Variants in ANKIB1 observed in about 807,000 individuals in gnomAD.
ANKIB1 encodes ankyrin repeat and IBR domain-containing protein 1.
In ANKIB1, 43 loss-of-function variants were observed where a neutral mutation model predicts 122.1. The ratio of observed to expected loss-of-function variants is 0.35; its 90% confidence interval spans 0.28 to 0.45. The LOEUF (loss-of-function observed/expected upper bound fraction) is 0.45. Among genes scored for constraint, ANKIB1 ranks in the 20% least tolerant of loss-of-function variants. The pLI, the probability that ANKIB1 is intolerant of heterozygous loss-of-function variation, is 1.00. For missense variants in ANKIB1, 992 were observed against 1,329.5 expected (o/e 0.75, Z 3.95); for synonymous variants, 390 against 442.0 (o/e 0.88, Z 1.48).
At chr7:92,280,982 G>A (rs1356485419) in intron 1 of ANKIB1, among the ~76,000 whole-genome samples, 1 of 152,102 alleles carries the variant, frequency 6.6e-6, no homozygotes. Context: ...GATTCCCTTA[G>A]AGAACTCACA....
intron 16 of ANKIB1, 56 bp downstream of exon 16, chr7:92,391,400 G>A (rs1804783513): frequency 1.4e-6 from 2 of 1,384,780 alleles, no homozygotes; most frequent in African/African-American, 1.5e-5. Flanking sequence ...AATACCAGCA[G>A]TTTTGTTTTT....
At chr7:92,350,919 T>A in intron 7 of ANKIB1, 31 bp from the exon 8 acceptor site, 2 of 1,563,760 alleles carry the variant, frequency 1.3e-6, no homozygotes, top group Non-Finnish European at 1.7e-6. Flanking sequence ...ATATCCTTGC[T>A]CGTTTGATGT....
chr7:92,382,405 G>A (rs892978130), intron 11 of ANKIB1, among the ~76,000 whole-genome samples: 4 of 152,184 alleles, frequency 2.6e-5, no homozygotes, highest in Admixed American at 2.6e-4. Flanking sequence ...GACATCTACA[G>A]AACTCTCTAC....
chr7:92,260,409 G>A (rs2131881023), intron 1 of ANKIB1, among the ~76,000 whole-genome samples: 1 of 152,300 alleles, frequency 6.6e-6, no homozygotes, highest in Admixed American at 6.5e-5. Flanking sequence ...GGCTTGGCCG[G>A]TGGCTCACCT....
chr7:92,369,573 C>G (rs1804185504), intron 10 of ANKIB1, among the ~76,000 whole-genome samples: 1 of 152,158 alleles, frequency 6.6e-6, no homozygotes, highest in Non-Finnish European at 1.5e-5. Context: ...GGGCTTATAT[C>G]TAGGGGTTGG....
intron 5 of ANKIB1, among the ~76,000 whole-genome samples, chr7:92,338,295 T>C (rs1446051449): frequency 6.6e-6 from 1 of 151,720 alleles, no homozygotes; most frequent in Non-Finnish European, 1.5e-5. Flanking sequence ...CATATGCCTG[T>C]AAGTCCCAGC....
chr7:92,385,557 AAAG>A (rs1270783430), intron 11 of ANKIB1, among the ~76,000 whole-genome samples: 1 of 152,260 alleles, frequency 6.6e-6, no homozygotes, highest in African/African-American at 2.4e-5. Context: ...AGCCATAAAA[AAAG>A]ATGAGTTCAT....
chr7:92,401,309 G>A lies in ANKIB1; in HGVS notation c.*2360G>A, dbSNP rs894278217. On this transcript the variant is annotated 3_prime_UTR_variant, in exon 20 of 20. Transcript: ENST00000265742. ...TTATATACAGTAGGATTCTACAAAC[G>A]TGTAGATGTTTGGCCAAATGAATGC... 1.1e-4 allele frequency: 16 copies of A among 152,102 alleles called. No homozygotes were observed. Among genetic ancestry groups the A allele is most frequent in the African/African-American group, 3.4e-4 (14 of 41,402 alleles). 9.4% of individuals were successfully genotyped at this position (152,102 alleles called of 1,614,324 possible). A position where few individuals can be genotyped will look rare whatever the true frequency, so the allele number is the denominator to read the frequency against.
intron 1 of ANKIB1, among the ~76,000 whole-genome samples, chr7:92,273,362 ATTC>A (rs1369288641): frequency 6.6e-6 from 1 of 152,196 alleles, no homozygotes; most frequent in African/African-American, 2.4e-5. Flanking sequence ...TTCTTTGCAT[ATTC>A]TTGTCTTCCA....
At chr7:92,300,074 TGGGGAC>T (rs947277283) in intron 2 of ANKIB1, among the ~76,000 whole-genome samples, 8 of 152,088 alleles carry the variant, frequency 5.3e-5, no homozygotes, top group African/African-American at 1.9e-4. Context: ...TCCCAAAGTG[TGGGGAC>T]TTACAGGCAT....
At chr7:92,317,747 G>A (rs1276576728) in intron 3 of ANKIB1, among the ~76,000 whole-genome samples, 1 of 152,150 alleles carries the variant, frequency 6.6e-6, no homozygotes, top group Non-Finnish European at 1.5e-5. Flanking sequence ...GGAGAACCGT[G>A]AGGATTCCCG....
At chr7:92,383,859 C>G (rs1804575334) in intron 11 of ANKIB1, among the ~76,000 whole-genome samples, 1 of 152,168 alleles carries the variant, frequency 6.6e-6, no homozygotes, top group Admixed American at 6.5e-5. Context: ...CTCACCACTC[C>G]TATTCAACAT....
intron 12 of ANKIB1, 108 bp downstream of exon 12, chr7:92,386,751 T>C (rs1804660694): frequency 9.8e-7 from 1 of 1,022,692 alleles, no homozygotes; most frequent in African/African-American, 1.7e-5. Flanking sequence ...TTAAATTGAA[T>C]ATACTTTATT....
chr7:92,387,916 C>G, intron 13 of ANKIB1, 32 bp downstream of exon 13: 1 of 1,607,632 alleles, frequency 6.2e-7, no homozygotes, highest in East Asian at 2.2e-5. Flanking sequence ...ATGAGCTGAC[C>G]TATACTGTTG....
chr7:92,312,759 G>A (rs141029733), intron 3 of ANKIB1, among the ~76,000 whole-genome samples: 78 of 152,166 alleles, frequency 5.1e-4, no homozygotes, highest in African/African-American at 1.8e-3. Context: ...GGTCCTATAA[G>A]CTTCAGTTAT....
intron 19 of ANKIB1, 122 bp from the exon 20 acceptor site, chr7:92,398,090 A>G: frequency 8.6e-7 from 1 of 1,165,548 alleles, no homozygotes; most frequent in Non-Finnish European, 1.2e-6. Flanking sequence ...AGTAGATAAA[A>G]TAATTTTTCT....
At chr7:92,386,683 G>T (rs757947783) in intron 12 of ANKIB1, 40 bp downstream of exon 12, 16 of 1,469,654 alleles carry the variant, frequency 1.1e-5, no homozygotes, top group Non-Finnish European at 1.4e-5. Flanking sequence ...TCTCTAAACC[G>T]CTCACTGCCA....
chr7:92,312,967 C>T (rs1802721862), intron 3 of ANKIB1, among the ~76,000 whole-genome samples: 1 of 152,072 alleles, frequency 6.6e-6, no homozygotes, highest in Non-Finnish European at 1.5e-5. Flanking sequence ...AGTAAAACAT[C>T]CAGTGATATT....
intron 9 of ANKIB1, among the ~76,000 whole-genome samples, chr7:92,360,010 G>T (rs563686559): frequency 6.6e-6 from 1 of 152,252 alleles, no homozygotes; most frequent in East Asian, 1.9e-4. Flanking sequence ...TTTCCCAAGT[G>T]CCAGATTAGA....
Sources: gnomAD v4.1 joint callset for allele counts (sites outside exome capture counted in the v4.1 genomes callset) on GRCh38, gnomAD v4.1.1 for gene constraint, MANE v1.5 for transcripts, NCBI Gene and HGNC (gene_info 2026-07-23, HGNC 2026-07-21) for gene names.